RYR3: variants seen among roughly 807,000 people sequenced by gnomAD.
The protein encoded by RYR3 is ryanodine receptor 3.
A neutral mutation model predicts 584.3 loss-of-function variants in RYR3; 207 were observed. The observed-to-expected ratio is 0.35, with a 90% CI of 0.32 to 0.40. The LOEUF (loss-of-function observed/expected upper bound fraction) is 0.40. RYR3 is among the 10% of genes least tolerant of loss of function. The pLI is 1.00. For missense variants in RYR3, 5,616 were observed against 6,089.2 expected (o/e 0.92, Z 2.59); for synonymous variants, 2,416 against 2,248.5 (o/e 1.07, Z -2.11).
intron 98 of RYR3, chr15:33,855,943 C>G (rs955015327): frequency 1.3e-5 from 2 of 152,146 alleles, no homozygotes; most frequent in African/African-American, 4.8e-5. Flanking sequence ...GACAGACAGG[C>G]TTCCTCACAT....
chr15:33,534,134 C>T (rs761564094), intron 5 of RYR3, among the ~76,000 whole-genome samples: 1 of 152,206 alleles, frequency 6.6e-6, no homozygotes, highest in African/African-American at 2.4e-5. Context: ...GGCACGGTGG[C>T]TCATGCCTGT....
At chr15:33,524,865 G>A (rs955305783) in intron 3 of RYR3, among the ~76,000 whole-genome samples, 1 of 151,836 alleles carries the variant, frequency 6.6e-6, no homozygotes. Flanking sequence ...ACATTTCAAC[G>A]AGATAGTAAC....
intron 86 of RYR3, 97 bp from the exon 87 acceptor site, chr15:33,834,871 A>G (rs1331423363): frequency 3.9e-6 from 3 of 776,608 alleles, no homozygotes; most frequent in African/African-American, 1.7e-5. Flanking sequence ...TGGAAAGTCT[A>G]TCTGCTCATA....
intron 69 of RYR3, 133 bp from the exon 70 acceptor site, chr15:33,807,422 T>G: frequency 1.3e-4 from 112 of 864,718 alleles, no homozygotes; most frequent in East Asian, 2.4e-4. Context: ...CCAGAACCAT[T>G]GAGTTTCTGT....
chr15:33,588,750 A>G (rs937752199), intron 16 of RYR3, among the ~76,000 whole-genome samples: 1 of 152,216 alleles, frequency 6.6e-6, no homozygotes, highest in Non-Finnish European at 1.5e-5. Flanking sequence ...TATAGCTTCC[A>G]GTTCCATCTA....
At position 33,670,565 on chromosome 15, in the gene RYR3, C is replaced by T. The variant is rs1255371497; in HGVS notation, c.5860+9C>T. ...GGAGGAGAGATGCCCCAGTAAGTGACATTGCCTTTAAATGACAGTGTGCTC... is the reference window on the plus strand; with the variant it reads ...GGAGGAGAGATGCCCCAGTAAGTGATATTGCCTTTAAATGACAGTGTGCTC... On this transcript the variant is annotated intron_variant, in intron 38 of 103. Coordinates refer to ENST00000634891, the MANE Select transcript of RYR3 (RefSeq NM_001036.6). The T allele has an allele frequency of 6.4e-7, 1 of 1,555,664 alleles. No homozygotes were observed. The highest frequency in any genetic ancestry group is 8.6e-7 in the Non-Finnish European group (1 of 1,158,640).
chr15:33,830,482 G>A (rs143090335), intron 85 of RYR3, among the ~76,000 whole-genome samples: 191 of 152,292 alleles, frequency 1.3e-3, no homozygotes, highest in Non-Finnish European at 2.5e-3. Context: ...TAACTTTGAT[G>A]TACGCTGAGA....
intron 23 of RYR3, among the ~76,000 whole-genome samples, chr15:33,631,649 C>T (rs1049223651): frequency 6.6e-6 from 1 of 152,184 alleles, no homozygotes; most frequent in South Asian, 2.1e-4. Flanking sequence ...ATTGGACCAG[C>T]CTTGTAAGTC....
chr15:33,855,867 C>T (rs1391831408), intron 98 of RYR3: 1 of 152,178 alleles, frequency 6.6e-6, no homozygotes, highest in Non-Finnish European at 1.5e-5. Context: ...CTTCTAATGG[C>T]TTCTCCTTGT....
At chr15:33,688,632 C>T (rs1238423799) in intron 38 of RYR3, among the ~76,000 whole-genome samples, 1 of 150,152 alleles carries the variant, frequency 6.7e-6, no homozygotes, top group Non-Finnish European at 1.5e-5. Context: ...AAGTGTTCAT[C>T]ATCACTGGTC....
At chr15:33,517,200 G>A (rs888102605) in intron 3 of RYR3, among the ~76,000 whole-genome samples, 116 of 152,262 alleles carry the variant, frequency 7.6e-4, no homozygotes, top group African/African-American at 2.7e-3. Flanking sequence ...TCACCGTGTT[G>A]GCCAGGGTGG....
chr15:33,505,543 G>A (rs1325448328), intron 3 of RYR3, among the ~76,000 whole-genome samples: 2 of 152,208 alleles, frequency 1.3e-5, no homozygotes, highest in Non-Finnish European at 1.5e-5. Flanking sequence ...CCAGGCTGGA[G>A]TGCAGTGGTA....
At chr15:33,443,742 A>C (rs188268409) in intron 1 of RYR3, among the ~76,000 whole-genome samples, 42 of 152,312 alleles carry the variant, frequency 2.8e-4, no homozygotes, top group South Asian at 1.4e-3. Context: ...CTCATCAGGA[A>C]TTCACTGGCT....
At chr15:33,401,729 C>A (rs1303624123) in intron 1 of RYR3, among the ~76,000 whole-genome samples, 1 of 152,102 alleles carries the variant, frequency 6.6e-6, no homozygotes, top group African/African-American at 2.4e-5. Context: ...AGTGCTCAAC[C>A]CCTACAAATG....
intron 2 of RYR3, among the ~76,000 whole-genome samples, chr15:33,492,426 C>A (rs997802952): frequency 6.7e-6 from 1 of 149,658 alleles, no homozygotes; most frequent in Admixed American, 6.7e-5. Context: ...TTTTTTAAAT[C>A]TAGAATTTGG....
At chr15:33,519,782 G>A (rs908397914) in intron 3 of RYR3, among the ~76,000 whole-genome samples, 21 of 152,120 alleles carry the variant, frequency 1.4e-4, no homozygotes, top group African/African-American at 5.1e-4. Context: ...GTGGACAGGT[G>A]CTAAGTATTA....
chr15:33,514,006 A>T (rs1356859641), intron 3 of RYR3, among the ~76,000 whole-genome samples: 1 of 152,154 alleles, frequency 6.6e-6, no homozygotes, highest in Admixed American at 6.5e-5. Flanking sequence ...CACGCATTCC[A>T]TGTACTAAGT....
chr15:33,582,666 C>T (rs1429576281), intron 14 of RYR3, among the ~76,000 whole-genome samples: 2 of 152,068 alleles, frequency 1.3e-5, no homozygotes, highest in Non-Finnish European at 2.9e-5. Flanking sequence ...GCTCATAACC[C>T]AAGGTTACAC....
At chr15:33,368,452 C>T (rs11072421) in intron 1 of RYR3, among the ~76,000 whole-genome samples, 14,710 of 148,620 alleles carry the variant, frequency 0.099, 1,098 homozygotes, top group East Asian at 0.37. Flanking sequence ...TGGGGAGACA[C>T]AGGGTTCAGC....
Sources: gnomAD v4.1 joint callset for allele counts (sites outside exome capture counted in the v4.1 genomes callset) on GRCh38, gnomAD v4.1.1 for gene constraint, MANE v1.5 for transcripts, NCBI Gene and HGNC (gene_info 2026-07-23, HGNC 2026-07-21) for gene names.